The following DNAH11 variants were observed in gnomAD, a reference collection of about 807,000 sequenced individuals.
The protein encoded by DNAH11 is axonemal beta dynein heavy chain 11.
Under a neutral mutation model 526.0 loss-of-function variants are expected in DNAH11, and 442 were observed. The observed-to-expected ratio is 0.84, with a 90% confidence interval of 0.78 to 0.91. The LOEUF is 0.91. Among genes scored for constraint, DNAH11 ranks in the 40% least tolerant of loss-of-function variants. The pLI, the probability that DNAH11 is intolerant of heterozygous loss-of-function variation, is 0.00. For synonymous variants in DNAH11, 2,461 were observed against 1,935.9 expected, an observed-to-expected ratio of 1.27 and a Z score of -7.12; for missense variants, 6,989 against 5,448.7, an observed-to-expected ratio of 1.28 and a Z score of -8.90.
At chr7:21,544,744 T>C (rs1036459686) in intron 1 of DNAH11, among the ~76,000 whole-genome samples, 6 of 152,132 alleles carry the variant, frequency 3.9e-5, no homozygotes, top group African/African-American at 1.4e-4. Flanking sequence ...TTTTGGTGTA[T>C]AATGAACTGG....
At chr7:21,738,488 A>G (rs1344272058) in intron 46 of DNAH11, among the ~76,000 whole-genome samples, 4 of 152,294 alleles carry the variant, frequency 2.6e-5, no homozygotes, top group Middle Eastern at 6.8e-3. Flanking sequence ...GTGAGGTGGA[A>G]TGACTTCTGG....
chr7:21,778,899 C>G, intron 56 of DNAH11, 59 bp from the exon 57 acceptor site: 3 of 1,571,176 alleles, frequency 1.9e-6, no homozygotes, highest in Admixed American at 3.4e-5. Flanking sequence ...GCAATAAGCT[C>G]TATCTGGGAT....
At chr7:21,766,036 C>T (rs1295335299) in intron 55 of DNAH11, among the ~76,000 whole-genome samples, 1 of 152,198 alleles carries the variant, frequency 6.6e-6, no homozygotes, top group African/African-American at 2.4e-5. Context: ...TGGTTATTCT[C>T]ATAGTAGCAA....
rs929694698 is a variant in DNAH11 at position 21,573,559 on chromosome 7, A to G, written c.1593+1586A>G. On this transcript the variant is annotated intron_variant, in intron 8 of 81. Coordinates refer to ENST00000409508, the MANE Select transcript of DNAH11 (RefSeq NM_001277115.2). ...ATTATTACTTTAAAATATTGCATTT[A>G]TCATATATTTTTGCTTAATAAGCTG... 2.6e-5 allele frequency among the ~76,000 whole-genome samples: 4 copies of G among 152,286 alleles called. No homozygotes were observed. The East Asian group carries it at 5.8e-4, about 22-fold the overall frequency.
intron 8 of DNAH11, among the ~76,000 whole-genome samples, chr7:21,577,042 G>A (rs2128439251): frequency 6.6e-6 from 1 of 152,318 alleles, no homozygotes; most frequent in East Asian, 1.9e-4. Context: ...AGGATATTGG[G>A]ACTCAAGAAA....
At chr7:21,765,317 G>C (rs769675314) in intron 54 of DNAH11, 111 bp from the exon 55 acceptor site, 36 of 1,506,800 alleles carry the variant, frequency 2.4e-5, no homozygotes, top group African/African-American at 4.1e-5. Context: ...CTTTAGGGTA[G>C]TTTAATGTCA....
intron 55 of DNAH11, among the ~76,000 whole-genome samples, chr7:21,771,982 A>G (rs1480707810): frequency 6.6e-6 from 1 of 152,234 alleles, no homozygotes; most frequent in Non-Finnish European, 1.5e-5. Context: ...AATGTCAGGA[A>G]GTGCTGTCAC....
chr7:21,656,471 T>G lies in DNAH11; in HGVS notation c.5094+490T>G, dbSNP rs10499536. ...GATCGAGTCTAGCAAGCTGATGTCCTGTACTCTAATTACCATGTGCACAGA... is the reference window on the plus strand; with the variant it reads ...GATCGAGTCTAGCAAGCTGATGTCCGGTACTCTAATTACCATGTGCACAGA... On this transcript the variant is annotated intron_variant, in intron 29 of 81. Transcript: ENST00000409508. 8.1e-3 allele frequency among the ~76,000 whole-genome samples: 1,232 copies of G among 152,304 alleles called. 49 individuals are homozygous for G. The South Asian group carries it at 0.083, about 10-fold the overall frequency.
chr7:21,792,114 T>C (rs985800587), intron 61 of DNAH11, among the ~76,000 whole-genome samples: 1 of 152,180 alleles, frequency 6.6e-6, no homozygotes, highest in Admixed American at 6.5e-5. Flanking sequence ...TGCTGAGCAT[T>C]TTTATCATAA....
At chr7:21,710,810 T>G (rs1354107468) in intron 41 of DNAH11, 107 bp downstream of exon 41, 35 of 1,095,252 alleles carry the variant, frequency 3.2e-5, no homozygotes, top group Non-Finnish European at 4.0e-5. Context: ...AACCTGGGAT[T>G]CTTTATGTAA....
At chr7:21,899,166 G>A (rs1784643448) in intron 79 of DNAH11, among the ~76,000 whole-genome samples, 170 bp from the exon 80 acceptor site, 1 of 152,176 alleles carries the variant, frequency 6.6e-6, no homozygotes. Context: ...AAACAAACTA[G>A]CCCTTTAAAG....
At chr7:21,565,865 A>C (rs1783646107) in intron 6 of DNAH11, among the ~76,000 whole-genome samples, 1 of 152,192 alleles carries the variant, frequency 6.6e-6, no homozygotes. Context: ...TGGTGGTAGC[A>C]GATAACAACA....
chr7:21,580,570 G>A (rs1784270616), intron 8 of DNAH11, among the ~76,000 whole-genome samples: 1 of 152,232 alleles, frequency 6.6e-6, no homozygotes, highest in Non-Finnish European at 1.5e-5. Flanking sequence ...TTCAGAGGCT[G>A]AGAAGTCCAA....
At chr7:21,815,929 C>T (rs1328760238) in intron 63 of DNAH11, among the ~76,000 whole-genome samples, 1 of 152,084 alleles carries the variant, frequency 6.6e-6, no homozygotes. Flanking sequence ...TCCTCTCAGC[C>T]TAGAAGTGAC....
intron 5 of DNAH11, 78 bp from the exon 6 acceptor site, chr7:21,564,108 T>A (rs1200226970): frequency 1.8e-6 from 2 of 1,091,690 alleles, no homozygotes; most frequent in Non-Finnish European, 2.6e-6. Context: ...TACGTGGCTC[T>A]CTTCTACATG....
At chr7:21,687,340 A>C in intron 33 of DNAH11, 42 bp from the exon 34 acceptor site, 1 of 1,581,136 alleles carries the variant, frequency 6.3e-7, no homozygotes, top group Non-Finnish European at 8.6e-7. Flanking sequence ...TAGCGTAAAA[A>C]CCCCTTCTGT....
chr7:21,748,103 A>G (rs1048530807), intron 51 of DNAH11, among the ~76,000 whole-genome samples: 1 of 152,194 alleles, frequency 6.6e-6, no homozygotes, highest in African/African-American at 2.4e-5. Flanking sequence ...TCTTTGTTTG[A>G]TGGGGAAACA....
Position 21,720,898 on chromosome 7 carries a change from T to C in DNAH11, c.7266+42T>C, listed in dbSNP as rs745900350. Reference sequence around the variant, plus strand: ...TTTACAGGACCAGTTTCCAGTTTTGTGTGGGACAGGGTCATGGGGAGGTTA... The same window carrying C: ...TTTACAGGACCAGTTTCCAGTTTTGCGTGGGACAGGGTCATGGGGAGGTTA... On this transcript the variant is annotated intron_variant, in intron 44 of 81. Transcript: ENST00000409508. 29 of 1,600,732 alleles carry C rather than the reference T, an allele frequency of 1.8e-5. No homozygotes were observed. In the South Asian group the frequency reaches 3.2e-4, roughly 18 times the overall value.
intron 2 of DNAH11, among the ~76,000 whole-genome samples, chr7:21,552,886 G>T (rs929581398): frequency 2.6e-5 from 4 of 152,102 alleles, no homozygotes; most frequent in African/African-American, 9.7e-5. Flanking sequence ...GCACCACAGG[G>T]TGGTAGGTCT....
Sources: gnomAD v4.1 joint callset for allele counts (sites outside exome capture counted in the v4.1 genomes callset) on GRCh38, gnomAD v4.1.1 for gene constraint, MANE v1.5 for transcripts, NCBI Gene and HGNC (gene_info 2026-07-23, HGNC 2026-07-21) for gene names.